The following SH3PXD2A variants were observed in gnomAD, a reference collection of about 807,000 sequenced individuals.
SH3PXD2A encodes SH3 and PX domain-containing protein 2A.
Under a neutral mutation model 115.2 loss-of-function variants are expected in SH3PXD2A, and 32 were observed. That is an observed-to-expected ratio of 0.28 (90% CI 0.21 to 0.37). The LOEUF (loss-of-function observed/expected upper bound fraction) is 0.37, where lower values mean the gene tolerates loss of function less well. Among genes scored for constraint, SH3PXD2A ranks in the 10% least tolerant of loss-of-function variants. The pLI is 1.00. For missense variants in SH3PXD2A, 1,328 were observed against 1,498.7 expected, an observed-to-expected ratio of 0.89 and a Z score of 1.88; for synonymous variants, 610 against 629.1, an observed-to-expected ratio of 0.97 and a Z score of 0.45.
intron 1 of SH3PXD2A, among the ~76,000 whole-genome samples, chr10:103,804,338 T>C (rs1201606157): frequency 2.1e-5 from 3 of 144,016 alleles, no homozygotes; most frequent in Non-Finnish European, 4.5e-5. Context: ...TTTTTTTTTT[T>C]TGAGACGGAG....
At chr10:103,609,494 C>T (rs1439485493) in intron 13 of SH3PXD2A, 1 of 152,252 alleles carries the variant, frequency 6.6e-6, no homozygotes, top group Non-Finnish European at 1.5e-5. Flanking sequence ...GAAACTGGCA[C>T]AGCAGCATCT....
chr10:103,642,396 G>A (rs1371026883), intron 8 of SH3PXD2A, among the ~76,000 whole-genome samples: 1 of 152,194 alleles, frequency 6.6e-6, no homozygotes, highest in Non-Finnish European at 1.5e-5. Flanking sequence ...AAGTCAGAAG[G>A]CTTGGAAGAG....
intron 8 of SH3PXD2A, among the ~76,000 whole-genome samples, chr10:103,659,569 G>A (rs1468791471): frequency 6.6e-6 from 1 of 152,130 alleles, no homozygotes; most frequent in Admixed American, 6.5e-5. Context: ...CATGACAAAG[G>A]CTGAGGACAA....
chr10:103,629,731 C>T (rs1000371218), intron 8 of SH3PXD2A, among the ~76,000 whole-genome samples: 5 of 152,230 alleles, frequency 3.3e-5, no homozygotes, highest in African/African-American at 9.6e-5. Context: ...CTGTCTACTT[C>T]CCTTGACCCA....
At chr10:103,743,749 A>AAAAC (rs55705068) in intron 3 of SH3PXD2A, among the ~76,000 whole-genome samples, 48,679 of 151,816 alleles carry the variant, frequency 0.32, 9,210 homozygotes, top group African/African-American at 0.54. Flanking sequence ...CCCAACTCTA[A>AAAAC]AAACAAACAA....
chr10:103,851,019 A>G (rs933667137), intron 1 of SH3PXD2A, among the ~76,000 whole-genome samples: 3 of 151,654 alleles, frequency 2.0e-5, no homozygotes, highest in Admixed American at 2.0e-4. Context: ...TGCCACAGGT[A>G]GGATTCAAGC....
intron 1 of SH3PXD2A, among the ~76,000 whole-genome samples, chr10:103,842,845 T>C (rs781035688): frequency 1.3e-5 from 2 of 152,206 alleles, no homozygotes; most frequent in African/African-American, 2.4e-5. Flanking sequence ...CATTCAAATA[T>C]TGACTGAATG....
intron 1 of SH3PXD2A, among the ~76,000 whole-genome samples, chr10:103,804,867 C>T (rs1342070955): frequency 6.6e-6 from 1 of 152,088 alleles, no homozygotes; most frequent in Non-Finnish European, 1.5e-5. Flanking sequence ...ATTACCTACC[C>T]TGGTCCCCCT....
At chr10:103,631,547 C>A (rs757387450) in intron 8 of SH3PXD2A, among the ~76,000 whole-genome samples, 13 of 152,238 alleles carry the variant, frequency 8.5e-5, no homozygotes, top group Non-Finnish European at 1.8e-4. Context: ...TGATGCCACC[C>A]CTAACAATCA....
intron 1 of SH3PXD2A, among the ~76,000 whole-genome samples, chr10:103,815,406 T>G (rs948159398): frequency 7.4e-5 from 11 of 148,900 alleles, no homozygotes; most frequent in African/African-American, 2.0e-4. Flanking sequence ...TATTATACAC[T>G]ATATGTATTT....
chr10:103,691,106 C>G (rs1238932646), intron 6 of SH3PXD2A, among the ~76,000 whole-genome samples: 1 of 151,776 alleles, frequency 6.6e-6, no homozygotes, highest in Non-Finnish European at 1.5e-5. Context: ...TTTGTTCCAG[C>G]TCTTGCCTTT....
intron 7 of SH3PXD2A, among the ~76,000 whole-genome samples, chr10:103,664,061 G>A (rs1025196036): frequency 1.3e-5 from 2 of 152,220 alleles, no homozygotes; most frequent in South Asian, 2.1e-4. Context: ...CGGGTGCTGC[G>A]CTGACGGACT....
At chr10:103,759,098 C>T (rs1479185412) in intron 3 of SH3PXD2A, among the ~76,000 whole-genome samples, 1 of 152,204 alleles carries the variant, frequency 6.6e-6, no homozygotes, top group African/African-American at 2.4e-5. Flanking sequence ...ATCCCTTCCC[C>T]CTGCTTCCTT....
intron 4 of SH3PXD2A, among the ~76,000 whole-genome samples, chr10:103,725,988 C>T (rs1472356802): frequency 6.6e-6 from 1 of 152,146 alleles, no homozygotes; most frequent in Non-Finnish European, 1.5e-5. Flanking sequence ...TAGGGTGAGG[C>T]CGGGTGTAGC....
Position 103,724,290 on chromosome 10 carries a change from C to A in SH3PXD2A, c.378G>T (p.Glu126Asp). Residue 126 changes from glutamate to aspartate, a missense_variant, in exon 5 of 15, where the codon GAG becomes GAT. Glu to Asp is a conservative substitution (Grantham distance 45). This residue lies in a region of SH3PXD2A where 90 missense variants were observed against 71.1 expected (regional missense o/e 1.27). Transcript: ENST00000369774. Reference protein sequence around the residue: ...EVFRFFEARPEDVNPPKEDYG... With the variant: ...EVFRFFEARPDDVNPPKEDYG... The stretch of plus-strand genomic sequence containing the variant: ...CTTACTCTTTTGGAGGGTTGACATC[C>A]TCGGGTCGAGCCTCGAAGAACCGGA... The A allele has an allele frequency of 6.3e-7, 1 of 1,577,388 alleles. No individual in the cohort carries two copies. Among genetic ancestry groups the A allele is most frequent in the Non-Finnish European group, 8.6e-7 (1 of 1,164,210 alleles).
intron 2 of SH3PXD2A, among the ~76,000 whole-genome samples, chr10:103,799,906 T>C (rs945804898): frequency 6.6e-6 from 1 of 152,122 alleles, no homozygotes. Context: ...CCCACATTGT[T>C]GGATTAAGAA....
Position 103,603,769 on chromosome 10 carries a change from A to G in SH3PXD2A, c.1449T>C (p.Gly483=), listed in dbSNP as rs1311452740. 1 of 1,609,352 alleles carries G rather than the reference A, an allele frequency of 6.2e-7. No homozygotes were observed. The highest frequency in any genetic ancestry group is 2.2e-5 in the East Asian group (1 of 44,860). ...QKAEVIDKNS[G]GWWYVQIGEK... ...CACCGATCTGCACGTACCACCAGCC[A>G]CCTGAGTTCTTATCAATGACCTGGG... is the stretch of plus-strand genomic sequence containing the variant. Residue 483 remains glycine (G), a synonymous_variant, in exon 15 of 15, where the codon GGT becomes GGC. Transcript: ENST00000369774.
rs1478448810 is a variant in SH3PXD2A, at chr10:103,601,423, AC to A, written c.*392del. 5.8e-6 allele frequency: 1 copy of A among 171,050 alleles called. No individual in the cohort carries two copies. Among genetic ancestry groups the A allele is most frequent in the Non-Finnish European group, 1.3e-5 (1 of 79,214 alleles). The allele number at this position is 171,050 out of a possible 1,614,324, so 10.6% of individuals were successfully genotyped here. Reference sequence around the variant, plus strand: ...CAAAACTGGGCCAAGCAGGGGCAGGACACTGGAGGCCCCCATGACCTTGTCT... The same window carrying A: ...CAAAACTGGGCCAAGCAGGGGCAGGAACTGGAGGCCCCCATGACCTTGTCT... On this transcript the variant is annotated 3_prime_UTR_variant, in exon 15 of 15. Coordinates refer to ENST00000369774, the MANE Select transcript of SH3PXD2A (RefSeq NM_001394015.1).
intron 6 of SH3PXD2A, among the ~76,000 whole-genome samples, chr10:103,672,240 G>A (rs2037473800): frequency 6.6e-6 from 1 of 152,174 alleles, no homozygotes; most frequent in South Asian, 2.1e-4. Context: ...AACCAAGATC[G>A]TGCCACTGCA....
Sources: gnomAD v4.1 joint callset for allele counts (sites outside exome capture counted in the v4.1 genomes callset) on GRCh38, gnomAD v4.1.1 for gene constraint, gnomAD v4.1.1 regional missense constraint, MANE v1.5 for transcripts, NCBI Gene and HGNC (gene_info 2026-07-23, HGNC 2026-07-21) for gene names.